SELENBP1: variants seen among roughly 807,000 people sequenced by gnomAD.
The protein encoded by SELENBP1 is methanethiol oxidase.
SELENBP1 carries 71 observed loss-of-function variants against 61.0 expected under a neutral mutation model. The observed-to-expected ratio is 1.16, with a 90% CI of 0.96 to 1.42. The LOEUF is 1.42. SELENBP1 is among the 40% of genes most tolerant of loss of function. SELENBP1 has a pLI of 0.00. For missense variants in SELENBP1, 561 were observed against 605.0 expected (o/e 0.93, Z 0.76); for synonymous variants, 270 against 238.9 (o/e 1.13, Z -1.20).
At position 151,372,533 on chromosome 1, in the gene SELENBP1, C is replaced by G. The variant is rs1385106036; in HGVS notation, c.4+105G>C. 1.0e-5 allele frequency: 15 copies of G among 1,440,284 alleles called. No homozygotes were observed. In the Admixed American group the frequency reaches 2.4e-4, roughly 23 times the overall value. The allele number at this position is 1,440,284 out of a possible 1,614,324, so 89.2% of individuals were successfully genotyped here. A position where few individuals can be genotyped will look rare whatever the true frequency, so the allele number is the denominator to read the frequency against. On this transcript the variant is annotated intron_variant, in intron 1 of 11. Coordinates refer to ENST00000368868, the MANE Select transcript of SELENBP1 (RefSeq NM_003944.4). ...ACAATGAAGCAGAGTCCACTACTCC[C>G]TCCCCAGCTCCCCACTCAGGTTTTC...
Position 151,364,600 on chromosome 1 carries a change from G to A in SELENBP1, c.1362C>T (p.Ala454=). The change falls in exon 12 of 12, where the codon GCC becomes GCT. Residue 454 remains alanine (A), a synonymous_variant. Coordinates refer to ENST00000368868, the MANE Select transcript of SELENBP1 (RefSeq NM_003944.4). The part of the protein sequence containing the change: ...VDFGKEPLGP[A]LAHELRYPGG... ...CAGGGTAGCGGAGCTCATGGGCAAG[G>A]GCTGGGCCAAGGGGCTCCTTCCCGA... 6.2e-7 allele frequency: 1 copy of A among 1,614,080 alleles called. No homozygotes were observed. Among genetic ancestry groups the A allele is most frequent in the Non-Finnish European group, 8.5e-7 (1 of 1,179,972 alleles).
rs1651706111 is a variant in SELENBP1 at position 151,364,704 on chromosome 1, C to T, written c.1258G>A (p.Glu420Lys). 1 of 1,576,226 alleles carries T rather than the reference C, an allele frequency of 6.3e-7. No individual in the cohort carries two copies. The highest frequency in any genetic ancestry group is 8.6e-7 in the Non-Finnish European group (1 of 1,159,904). Residue 420 changes from glutamate to lysine, a missense_variant and splice_region_variant, in exon 12 of 12, where the codon GAA becomes AAA. Coordinates refer to ENST00000368868, the MANE Select transcript of SELENBP1 (RefSeq NM_003944.4). The stretch of plus-strand genomic sequence containing the variant: ...TCAACCTGCAGCATCACAGAGCCTT[C>T]CCTGGTGGAAAAGGGAATGGGGTAA... ...DKQFYPDLIR[E>K]GSVMLQVDVD... is the part of the protein sequence containing the mutation.
At chr1:151,366,677 G>A (rs760327400) in intron 6 of SELENBP1, 45 bp downstream of exon 6, 23 of 1,596,076 alleles carry the variant, frequency 1.4e-5, no homozygotes, top group Non-Finnish European at 2.0e-5. Flanking sequence ...GAAAGCAAGG[G>A]GATGTAGGCC....
At chr1:151,364,905 G>A (rs757668741) in intron 11 of SELENBP1, 21 bp downstream of exon 11, 12 of 1,607,352 alleles carry the variant, frequency 7.5e-6, no homozygotes, top group Middle Eastern at 3.3e-4. Context: ...GGGGAGGAGA[G>A]CCCATGTGTC....
chr1:151,370,069 G>A (rs954950767), intron 1 of SELENBP1: 34 of 1,303,862 alleles, frequency 2.6e-5, no homozygotes, highest in Non-Finnish European at 3.1e-5. Flanking sequence ...AATATGACAC[G>A]GACTCGGGGC....
rs781023091 is a variant in SELENBP1, at chr1:151,364,609, A to G, written c.1353T>C (p.Leu451=). The G allele has an allele frequency of 1.2e-6, 2 of 1,613,820 alleles. No individual in the cohort carries two copies. The highest frequency in any genetic ancestry group is 1.7e-6 in the Non-Finnish European group (2 of 1,179,922). The change falls in exon 12 of 12, where the codon CTT becomes CTC. Residue 451 remains leucine, a synonymous_variant. Transcript: ENST00000368868. ...GGAGCTCATGGGCAAGGGCTGGGCC[A>G]AGGGGCTCCTTCCCGAAGTCCACCA... is the stretch of plus-strand genomic sequence containing the variant. ...NFLVDFGKEP[L]GPALAHELRY... is the part of the protein sequence containing the mutation.
rs752625474 is a variant in SELENBP1 at position 151,365,647 on chromosome 1, G to A, written c.960C>T (p.Arg320=). The change falls in exon 9 of 12, where the codon CGC becomes CGT. Residue 320 remains arginine, a synonymous_variant. Transcript: ENST00000368868. ...GCAGCCAGTTGCTGAAGTAGAGGAA[G>A]CGGTCGTCCAGGGAGAGCAGGATGT... The part of the protein sequence containing the change: ...ITDILLSLDD[R]FLYFSNWLHG... The A allele has an allele frequency of 7.4e-6, 12 of 1,614,108 alleles. No homozygotes were observed. The East Asian group carries it at 2.7e-4, about 36-fold the overall frequency.
At chr1:151,367,957 A>G (rs1419946503) in intron 5 of SELENBP1, among the ~76,000 whole-genome samples, 1 of 152,234 alleles carries the variant, frequency 6.6e-6, no homozygotes, top group Non-Finnish European at 1.5e-5. Context: ...GTGAGGCACA[A>G]CACCTGGCCT....
chr1:151,369,199 G>T lies in SELENBP1; in HGVS notation c.175-10C>A. ...GCAGCCGGTGGATGACCTAGGATGCGGGGAGAGGTGGTGCTCCCCCAGGCC... is the reference window on the plus strand; with the variant it reads ...GCAGCCGGTGGATGACCTAGGATGCTGGGAGAGGTGGTGCTCCCCCAGGCC... On this transcript the variant is annotated splice_polypyrimidine_tract_variant and intron_variant, in intron 3 of 11. Transcript: ENST00000368868. The T allele has an allele frequency of 6.2e-7, 1 of 1,603,452 alleles. No homozygotes were observed. The highest frequency in any genetic ancestry group is 1.1e-5 in the South Asian group (1 of 90,684).
intron 3 of SELENBP1, 93 bp downstream of exon 3, chr1:151,369,349 G>T: frequency 7.0e-7 from 1 of 1,424,926 alleles, no homozygotes. Flanking sequence ...CCCAGGGAGG[G>T]CCAAGAAGGA....
chr1:151,368,907 TG>T, intron 4 of SELENBP1, 96 bp downstream of exon 4: 1 of 1,303,794 alleles, frequency 7.7e-7, no homozygotes, highest in Non-Finnish European at 1.1e-6. Context: ...GCGTAAGAGC[TG>T]GAGGCTGCTG....
chr1:151,364,683 C>T lies in SELENBP1; in HGVS notation c.1279G>A (p.Val427Ile). The T allele has an allele frequency of 6.3e-7, 1 of 1,597,724 alleles. No individual in the cohort carries two copies. The highest frequency in any genetic ancestry group is 2.2e-5 in the East Asian group (1 of 44,732). ...CCTCCTTTTACTGTGTCTACATCAA[C>T]CTGCAGCATCACAGAGCCTTCCCTG... ...LIREGSVMLQ[V>I]DVDTVKGGLK... Residue 427 changes from valine to isoleucine, a missense_variant, in exon 12 of 12, where the codon GTT becomes ATT. Physicochemically the swap from Val to Ile is conservative, Grantham distance 29. Transcript: ENST00000368868.
At position 151,364,538 on chromosome 1, in the gene SELENBP1, G is replaced by C. The variant is rs781641174; in HGVS notation, c.*5C>G. On this transcript the variant is annotated 3_prime_UTR_variant, in exon 12 of 12. Coordinates refer to ENST00000368868, the MANE Select transcript of SELENBP1 (RefSeq NM_003944.4). ...AATAGGGAGTGTGGGTGATGAGGGT[G>C]GAGTTCAAATCCAGATGTCAGAGCT... 6.2e-7 allele frequency: 1 copy of C among 1,613,820 alleles called. No homozygotes were observed. Among genetic ancestry groups the C allele is most frequent in the Non-Finnish European group, 8.5e-7 (1 of 1,179,946 alleles).
rs370876925 is a variant in SELENBP1 at position 151,368,985 on chromosome 1, G to A, written c.360+19C>T. ...AGGTGTCTTATGGTCTACTGAGCTGGCAAGGGCAGAGGACATGCCTTGTGC... is the reference window on the plus strand; with the variant it reads ...AGGTGTCTTATGGTCTACTGAGCTGACAAGGGCAGAGGACATGCCTTGTGC... On this transcript the variant is annotated intron_variant, in intron 4 of 11. Transcript: ENST00000368868. 6.3e-7 allele frequency: 1 copy of A among 1,594,466 alleles called. No homozygotes were observed. The highest frequency in any genetic ancestry group is 8.6e-7 in the Non-Finnish European group (1 of 1,164,862).
In SELENBP1 at chr1:151,372,550, C is replaced by G. The variant is rs551401945; in HGVS notation, c.4+88G>C. 27 of 1,564,428 alleles carry G rather than the reference C, an allele frequency of 1.7e-5. No homozygotes were observed. The Admixed American group carries it at 3.2e-4, about 18-fold the overall frequency. The stretch of plus-strand genomic sequence containing the variant: ...ACTACTCCCTCCCCAGCTCCCCACT[C>G]AGGTTTTCTAGCATTTTCTGGAGGA... On this transcript the variant is annotated intron_variant, in intron 1 of 11. Transcript: ENST00000368868.
rs761569254 is a variant in SELENBP1 at position 151,364,574 on chromosome 1, C to T, written c.1388G>A (p.Gly463Glu). 1.2e-6 allele frequency: 2 copies of T among 1,614,130 alleles called. No homozygotes were observed. Among genetic ancestry groups the T allele is most frequent in the African/African-American group, 2.7e-5 (2 of 75,020 alleles). The change falls in exon 12 of 12, where the codon GGG becomes GAG. Residue 463 changes from glycine (G) to glutamate (E), a missense_variant. Physicochemically the swap from Gly to Glu is moderately conservative, Grantham distance 98. Coordinates refer to ENST00000368868, the MANE Select transcript of SELENBP1 (RefSeq NM_003944.4). ...PALAHELRYPGGDCSSDIWI is the reference protein window; with the variant it reads ...PALAHELRYPEGDCSSDIWI ...CCAGATGTCAGAGCTACAATCGCCC[C>T]CAGGGTAGCGGAGCTCATGGGCAAG...
At chr1:151,366,552 G>A in intron 6 of SELENBP1, 99 bp from the exon 7 acceptor site, 2 of 1,451,588 alleles carry the variant, frequency 1.4e-6, no homozygotes, top group South Asian at 2.5e-5. Context: ...TTAAGAAATG[G>A]ATTGGAGGGA....
intron 1 of SELENBP1, among the ~76,000 whole-genome samples, chr1:151,371,625 A>C (rs1652142983): frequency 2.6e-5 from 4 of 152,148 alleles, no homozygotes; most frequent in Admixed American, 2.0e-4. Flanking sequence ...GGGGTGGGGA[A>C]GGAGGTTGCT....
At position 151,366,319 on chromosome 1, in the gene SELENBP1, C is replaced by G. The variant is rs988722243; in HGVS notation, c.799G>C (p.Gly267Arg). 9.3e-6 allele frequency: 15 copies of G among 1,614,002 alleles called. No homozygotes were observed. Among genetic ancestry groups the G allele is most frequent in the Non-Finnish European group, 9.3e-6 (11 of 1,180,034 alleles). ...TGGATGGTGGAGCTGAGTGCGCAGC[C>G]CACAAAGCCTTGGGCAGCGTCTGGG... Reference protein sequence around the residue: ...HNPDAAQGFVGCALSSTIQRF... With the variant: ...HNPDAAQGFVRCALSSTIQRF... The change falls in exon 7 of 12, where the codon GGC becomes CGC. Residue 267 changes from glycine (G) to arginine (R), a missense_variant. Gly to Arg is a moderately radical substitution (Grantham distance 125). Coordinates refer to ENST00000368868, the MANE Select transcript of SELENBP1 (RefSeq NM_003944.4).
Sources: allele counts gnomAD v4.1 joint callset (sites outside exome capture counted in the v4.1 genomes callset), GRCh38; gene constraint gnomAD v4.1.1; transcripts MANE v1.5; gene names NCBI Gene and HGNC (gene_info 2026-07-23, HGNC 2026-07-21).